Variants in GPHN observed in about 807,000 individuals in gnomAD.
The protein encoded by GPHN is gephyrin.
In GPHN, 17 loss-of-function variants were observed where a neutral mutation model predicts 95.5. The ratio of observed to expected loss-of-function variants is 0.18; its 90% CI spans 0.12 to 0.27. The LOEUF is 0.27. Ranked by LOEUF, GPHN falls within the 10% of genes least tolerant of loss-of-function variation. The pLI is 1.00. For synonymous variants in GPHN, 320 were observed against 322.5 expected (o/e 0.99, Z 0.08); for missense variants, 660 against 978.1 (o/e 0.67, Z 4.34).
the GPHN span, among the ~76,000 whole-genome samples, chr14:67,560,879 C>T: frequency 3.3e-5 from 5 of 152,152 alleles, no homozygotes; most frequent in South Asian, 2.1e-4. Context: ...TACAGGCACA[C>T]GCCACCACGC....
At chr14:66,925,978 G>T (rs1366191914) in intron 8 of GPHN, among the ~76,000 whole-genome samples, 1 of 152,112 alleles carries the variant, frequency 6.6e-6, no homozygotes, top group African/African-American at 2.4e-5. Context: ...TTATAGTTTT[G>T]ATTTGCATTT....
chr14:67,205,913 G>A, the GPHN span, among the ~76,000 whole-genome samples: 26 of 152,336 alleles, frequency 1.7e-4, no homozygotes, highest in African/African-American at 5.5e-4. Flanking sequence ...GTCTGGTGCA[G>A]TGGCTCACAT....
chr14:66,938,550 TGAGA>T (rs2067242739), intron 8 of GPHN, among the ~76,000 whole-genome samples: 1 of 152,150 alleles, frequency 6.6e-6, no homozygotes, highest in Non-Finnish European at 1.5e-5. Flanking sequence ...GCTTCTGGCC[TGAGA>T]GAGTTTTAGA....
the GPHN span, chr14:67,347,279 A>C: frequency 1.4e-6 from 1 of 721,550 alleles, no homozygotes; most frequent in East Asian, 2.7e-5. Flanking sequence ...TGTCCTGACT[A>C]TATCAAATAA....
chr14:66,718,190 G>C (rs1472346731), intron 2 of GPHN, among the ~76,000 whole-genome samples: 1 of 152,130 alleles, frequency 6.6e-6, no homozygotes. Flanking sequence ...CCCTCGCAGT[G>C]AGTGTTACAG....
At chr14:67,060,244 T>G (rs995221655) in intron 11 of GPHN, among the ~76,000 whole-genome samples, 1 of 152,018 alleles carries the variant, frequency 6.6e-6, no homozygotes. Flanking sequence ...ATTTCATTTT[T>G]CCTCCAGAGA....
Position 66,921,443 on chromosome 14 carries a change from TG to T in GPHN, c.457-1222del, listed in dbSNP as rs1161306847. The stretch of plus-strand genomic sequence containing the variant: ...TCATTAGCCCACTTTTTGATGGGAT[TG>T]TTTTTTTTTTTTTTTCTTACTGATT... On this transcript the variant is annotated intron_variant, in intron 6 of 22. Coordinates refer to ENST00000478722, the MANE Select transcript of GPHN (RefSeq NM_020806.5). Among the ~76,000 whole-genome samples the T allele has an allele frequency of 1.7e-3, 255 of 147,968 alleles. 1 individual carries two copies. Among genetic ancestry groups the T allele is most frequent in the South Asian group, 2.8e-3 (13 of 4,692 alleles).
At chr14:66,700,663 C>T (rs1010925816) in intron 2 of GPHN, among the ~76,000 whole-genome samples, 4 of 152,290 alleles carry the variant, frequency 2.6e-5, no homozygotes, top group East Asian at 1.9e-4. Flanking sequence ...CAGTGGCTCA[C>T]TCCTGTAATC....
the GPHN span, among the ~76,000 whole-genome samples, chr14:67,229,659 A>T: frequency 6.6e-6 from 1 of 152,214 alleles, no homozygotes; most frequent in Non-Finnish European, 1.5e-5. Context: ...TTTGAGAAAA[A>T]AAGAATGTAA....
chr14:67,333,607 G>GGC, the GPHN span: 1 of 152,578 alleles, frequency 6.6e-6, no homozygotes, highest in Non-Finnish European at 1.5e-5. Flanking sequence ...CAGACTTTGT[G>GGC]GATCAGACTC....
At chr14:67,171,835 G>A (rs1428789801) in intron 21 of GPHN, among the ~76,000 whole-genome samples, 1 of 151,990 alleles carries the variant, frequency 6.6e-6, no homozygotes, top group Non-Finnish European at 1.5e-5. Flanking sequence ...TCCCCCAGCT[G>A]GATCAGCTGG....
the GPHN span, among the ~76,000 whole-genome samples, chr14:67,196,623 G>A: frequency 3.9e-5 from 6 of 152,194 alleles, no homozygotes; most frequent in African/African-American, 1.4e-4. Context: ...AGGTAATACA[G>A]TCTGTACTGC....
the GPHN span, among the ~76,000 whole-genome samples, chr14:67,584,291 T>C: frequency 6.6e-6 from 1 of 152,212 alleles, no homozygotes; most frequent in East Asian, 1.9e-4. Context: ...CAGAGCAGAA[T>C]TGTGATTGCT....
rs967875191 is a variant in GPHN at position 66,961,610 on chromosome 14, A to T, written c.829-3581A>T. 4.0e-5 allele frequency among the ~76,000 whole-genome samples: 6 copies of T among 151,634 alleles called. No individual in the cohort carries two copies. The South Asian group carries it at 8.3e-4, about 21-fold the overall frequency. ...AAGGGAAAAAATGGGCAAGGATTTGAACGGGGACTTCACGAGAAAAAATCT... is the reference window on the plus strand; with the variant it reads ...AAGGGAAAAAATGGGCAAGGATTTGTACGGGGACTTCACGAGAAAAAATCT... On this transcript the variant is annotated intron_variant, in intron 8 of 22. Transcript: ENST00000478722.
intron 11 of GPHN, among the ~76,000 whole-genome samples, chr14:67,070,148 C>T (rs2076224451): frequency 6.6e-6 from 1 of 152,002 alleles, no homozygotes; most frequent in Non-Finnish European, 1.5e-5. Context: ...CTTCATTACA[C>T]TGCTAAAATA....
chr14:66,616,412 T>C (rs1170276747), intron 1 of GPHN, among the ~76,000 whole-genome samples: 1 of 142,388 alleles, frequency 7.0e-6, no homozygotes, highest in African/African-American at 2.9e-5. Context: ...TGTTGCTTTC[T>C]GTTTCTTTGT....
chr14:66,790,712 G>A (rs542534550), intron 3 of GPHN, among the ~76,000 whole-genome samples: 2 of 152,178 alleles, frequency 1.3e-5, no homozygotes, highest in Non-Finnish European at 2.9e-5. Context: ...GGGCGGGGAG[G>A]GTCAGGGAAC....
At chr14:67,526,164 G>A in the GPHN span, among the ~76,000 whole-genome samples, 11 of 152,288 alleles carry the variant, frequency 7.2e-5, no homozygotes, top group South Asian at 2.1e-4. Flanking sequence ...CTGGAAATGC[G>A]CACTCTCCAT....
At chr14:66,968,353 T>C (rs987890547) in intron 9 of GPHN, among the ~76,000 whole-genome samples, 1 of 151,938 alleles carries the variant, frequency 6.6e-6, no homozygotes, top group South Asian at 2.1e-4. Context: ...AACCAAGGAG[T>C]GATATCCAGC....
Sources: gnomAD v4.1 joint callset for allele counts (sites outside exome capture counted in the v4.1 genomes callset) on GRCh38, gnomAD v4.1.1 for gene constraint, MANE v1.5 for transcripts, NCBI Gene and HGNC (gene_info 2026-07-23, HGNC 2026-07-21) for gene names.